The following IMMP2L variants were observed in gnomAD, a reference collection of about 807,000 sequenced individuals.
IMMP2L encodes the protein inner mitochondrial membrane peptidase subunit 2, also known as mitochondrial inner membrane protease subunit 2.
A neutral mutation model predicts 19.3 loss-of-function variants in IMMP2L; 18 were observed. The ratio of observed to expected loss-of-function variants is 0.93; its 90% CI spans 0.64 to 1.38. IMMP2L has a LOEUF of 1.38. Among genes scored for constraint, IMMP2L ranks in the 40% most tolerant of loss-of-function variants. The pLI, the probability that IMMP2L is intolerant of heterozygous loss-of-function variation, is 0.00. For missense variants in IMMP2L, 233 were observed against 218.2 expected (o/e 1.07, Z -0.43); for synonymous variants, 76 against 73.0 (o/e 1.04, Z -0.21).
intron 3 of IMMP2L, among the ~76,000 whole-genome samples, chr7:110,983,936 T>C (rs552739569): frequency 6.6e-6 from 1 of 152,012 alleles, no homozygotes; most frequent in Non-Finnish European, 1.5e-5. Flanking sequence ...CATGTATGGG[T>C]TCCAGATGCC....
At chr7:111,223,143 A>G (rs1812705875) in intron 3 of IMMP2L, among the ~76,000 whole-genome samples, 1 of 152,096 alleles carries the variant, frequency 6.6e-6, no homozygotes, top group Non-Finnish European at 1.5e-5. Flanking sequence ...AAATATATGT[A>G]TCAAAATATA....
chr7:111,185,593 G>A (rs531112188), intron 3 of IMMP2L, among the ~76,000 whole-genome samples: 1 of 152,226 alleles, frequency 6.6e-6, no homozygotes, highest in African/African-American at 2.4e-5. Flanking sequence ...AATTACTGAA[G>A]CTGAAAACTC....
chr7:111,169,349 C>T (rs1019864702), intron 3 of IMMP2L, among the ~76,000 whole-genome samples: 2 of 151,806 alleles, frequency 1.3e-5, no homozygotes, highest in African/African-American at 4.8e-5. Flanking sequence ...GGACGTTAAT[C>T]CAAAATTTTC....
At chr7:111,270,059 G>C (rs997421373) in intron 3 of IMMP2L, among the ~76,000 whole-genome samples, 2 of 102,928 alleles carry the variant, frequency 1.9e-5, no homozygotes, top group African/African-American at 9.5e-5. Flanking sequence ...ATGTGTGTCT[G>C]TGTGTGTGTG....
At chr7:111,031,413 A>AG (rs1790807472) in intron 3 of IMMP2L, among the ~76,000 whole-genome samples, 1 of 46,138 alleles carries the variant, frequency 2.2e-5, no homozygotes, top group South Asian at 4.2e-4. Context: ...TGTGTGAGAG[A>AG]AAGAGAAATC....
intron 1 of IMMP2L, among the ~76,000 whole-genome samples, chr7:111,548,963 T>C (rs552611332): frequency 6.6e-6 from 1 of 152,144 alleles, no homozygotes; most frequent in Non-Finnish European, 1.5e-5. Context: ...GAAGGAAGAC[T>C]AACATCTCAA....
At chr7:110,906,448 T>C (rs1585214205) in intron 4 of IMMP2L, among the ~76,000 whole-genome samples, 1 of 152,202 alleles carries the variant, frequency 6.6e-6, no homozygotes, top group Admixed American at 6.5e-5. Context: ...ATTTGTTTAG[T>C]TCCGTGTGAC....
At chr7:110,860,766 C>T (rs1807314195) in intron 5 of IMMP2L, among the ~76,000 whole-genome samples, 2 of 152,040 alleles carry the variant, frequency 1.3e-5, no homozygotes, top group Admixed American at 6.6e-5. Flanking sequence ...GCAGGTGAAT[C>T]CACCTACATT....
chr7:111,377,491 T>G (rs1181822418), intron 3 of IMMP2L, among the ~76,000 whole-genome samples: 1 of 152,004 alleles, frequency 6.6e-6, no homozygotes, highest in Non-Finnish European at 1.5e-5. Context: ...TGTGGTAAAC[T>G]GCTTTTCCCT....
intron 3 of IMMP2L, among the ~76,000 whole-genome samples, chr7:111,309,479 G>A (rs966144463): frequency 2.6e-5 from 4 of 152,026 alleles, no homozygotes; most frequent in African/African-American, 9.7e-5. Context: ...TATATCAGAA[G>A]TATTCATTTA....
intron 5 of IMMP2L, 81 bp from the exon 6 acceptor site, chr7:110,663,802 T>C: frequency 3.1e-6 from 3 of 977,682 alleles, no homozygotes; most frequent in Non-Finnish European, 4.4e-6. Flanking sequence ...AAGCAGAATT[T>C]AATCCAGGTT....
intron 1 of IMMP2L, among the ~76,000 whole-genome samples, chr7:111,559,153 A>C (rs1791726203): frequency 6.6e-6 from 1 of 152,200 alleles, no homozygotes; most frequent in African/African-American, 2.4e-5. Flanking sequence ...ATATGCCTAT[A>C]ATCTACTGAC....
chr7:111,151,317 C>T (rs199851501), intron 3 of IMMP2L, among the ~76,000 whole-genome samples: 2 of 152,072 alleles, frequency 1.3e-5, no homozygotes, highest in Admixed American at 6.5e-5. Flanking sequence ...AACCAGCTTA[C>T]GTGAAATATA....
At chr7:111,162,962 G>A (rs1044667119) in intron 3 of IMMP2L, among the ~76,000 whole-genome samples, 5 of 151,996 alleles carry the variant, frequency 3.3e-5, no homozygotes, top group Admixed American at 2.6e-4. Context: ...GCTCAACACT[G>A]CCAGGAGAAC....
intron 3 of IMMP2L, among the ~76,000 whole-genome samples, chr7:111,228,432 G>A (rs1341493969): frequency 2.0e-5 from 3 of 150,796 alleles, no homozygotes; most frequent in Non-Finnish European, 4.4e-5. Flanking sequence ...AAAAATCAAA[G>A]GTGTCAAATC....
chr7:111,451,574 AG>A (rs1242366289), intron 3 of IMMP2L, among the ~76,000 whole-genome samples: 5 of 62,508 alleles, frequency 8.0e-5, no homozygotes, highest in African/African-American at 3.2e-4. Flanking sequence ...GGGAGGGGGG[AG>A]GGGGGAGGGA....
In IMMP2L at chr7:111,027,158, A is replaced by C. The variant is rs560622318; in HGVS notation, c.240-63593T>G. On this transcript the variant is annotated intron_variant, in intron 3 of 5. Coordinates refer to ENST00000405709, the MANE Select transcript of IMMP2L (RefSeq NM_032549.4). ...AAAGAGCCACTTCAACGCCCACTGCAGTTTCTCAAATGGATTTGATACATG... is the reference window on the plus strand; with the variant it reads ...AAAGAGCCACTTCAACGCCCACTGCCGTTTCTCAAATGGATTTGATACATG... Among the ~76,000 whole-genome samples the C allele has an allele frequency of 8.5e-5, 13 of 152,208 alleles. No individual in the cohort carries two copies. The South Asian group carries it at 2.7e-3, about 32-fold the overall frequency.
chr7:110,943,531 A>T (rs965253048), intron 4 of IMMP2L, among the ~76,000 whole-genome samples: 2 of 151,904 alleles, frequency 1.3e-5, no homozygotes, highest in Non-Finnish European at 2.9e-5. Flanking sequence ...TTTTGAGTAG[A>T]AGCTTAAGAT....
intron 2 of IMMP2L, among the ~76,000 whole-genome samples, chr7:111,493,565 C>A (rs533006636): frequency 1.3e-5 from 2 of 150,044 alleles, no homozygotes; most frequent in South Asian, 4.3e-4. Context: ...ATTAGCCGGG[C>A]GTGGGGGCGG....
Sources: allele counts gnomAD v4.1 joint callset (sites outside exome capture counted in the v4.1 genomes callset), GRCh38; gene constraint gnomAD v4.1.1; transcripts MANE v1.5; gene names NCBI Gene and HGNC (gene_info 2026-07-23, HGNC 2026-07-21).